USH2A: variants seen among roughly 807,000 people sequenced by gnomAD.
USH2A encodes the protein usherin, also known as Usher syndrome 2A (autosomal recessive, mild).
Under a neutral mutation model 538.9 loss-of-function variants are expected in USH2A, and 443 were observed. That is an observed-to-expected ratio of 0.82 (90% CI 0.76 to 0.89). The LOEUF is 0.89. Among genes scored for constraint, USH2A ranks in the 40% least tolerant of loss-of-function variants. The pLI, the probability that USH2A is intolerant of heterozygous loss-of-function variation, is 0.00. For missense variants in USH2A, 6,633 were observed against 6,324.8 expected (o/e 1.05, Z -1.65); for synonymous variants, 2,413 against 2,273.5 (o/e 1.06, Z -1.75).
chr1:216,403,592 C>A (rs1477851584), intron 3 of USH2A, among the ~76,000 whole-genome samples: 2 of 152,030 alleles, frequency 1.3e-5, no homozygotes, highest in African/African-American at 2.4e-5. Flanking sequence ...TACAAGATCA[C>A]CCTAGAAAAT....
chr1:216,004,352 C>A (rs1443369339), intron 32 of USH2A, among the ~76,000 whole-genome samples: 1 of 152,098 alleles, frequency 6.6e-6, no homozygotes, highest in East Asian at 1.9e-4. Context: ...AAGGAGAAAT[C>A]AACCAAGGAG....
intron 4 of USH2A, among the ~76,000 whole-genome samples, chr1:216,342,965 G>T (rs569614303): frequency 6.6e-6 from 1 of 151,858 alleles, no homozygotes; most frequent in African/African-American, 2.4e-5. Flanking sequence ...AAACTTTCAC[G>T]TTATGCACAA....
intron 38 of USH2A, among the ~76,000 whole-genome samples, chr1:215,926,304 T>G (rs1315949019): frequency 1.3e-5 from 2 of 151,600 alleles, no homozygotes; most frequent in Admixed American, 1.3e-4. Context: ...TAGAAAGAGA[T>G]TTTGGTTGAA....
chr1:216,116,167 CAAATA>C (rs547498854), intron 21 of USH2A, among the ~76,000 whole-genome samples: 2 of 151,830 alleles, frequency 1.3e-5, no homozygotes, highest in African/African-American at 4.8e-5. Context: ...TTTTATACCT[CAAATA>C]AGATCCAGGT....
chr1:216,097,102 T>C lies in USH2A; in HGVS notation c.4739A>G (p.Tyr1580Cys). 1.2e-6 allele frequency: 2 copies of C among 1,613,978 alleles called. No individual in the cohort carries two copies. Among genetic ancestry groups the C allele is most frequent in the Non-Finnish European group, 8.5e-7 (1 of 1,179,968 alleles). Residue 1580 changes from tyrosine (Y) to cysteine (C), a missense_variant, in exon 22 of 72, where the codon TAT becomes TGT. Transcript: ENST00000307340. Reference sequence around the variant, plus strand: ...ATTTACCTGAGGATCAAAAAGAAAATAAAGACGTCCCTTCTTCAACTGAAG... The same window carrying C: ...ATTTACCTGAGGATCAAAAAGAAAACAAAGACGTCCCTTCTTCAACTGAAG... ...FALQLKKGRL[Y>C]FLFDPQGSPV...
chr1:215,926,561 CT>C (rs1347385261), intron 38 of USH2A, among the ~76,000 whole-genome samples: 1 of 148,538 alleles, frequency 6.7e-6, no homozygotes, highest in Admixed American at 6.7e-5. Context: ...CATTCTGCCA[CT>C]TTGGAAGCGT....
At chr1:215,955,324 G>C (rs1203623039) in intron 37 of USH2A, among the ~76,000 whole-genome samples, 1 of 152,084 alleles carries the variant, frequency 6.6e-6, no homozygotes, top group African/African-American at 2.4e-5. Flanking sequence ...CCCAGAAACA[G>C]GCACCATCAT....
At chr1:215,964,764 T>C (rs528767145) in intron 37 of USH2A, among the ~76,000 whole-genome samples, 14 of 152,154 alleles carry the variant, frequency 9.2e-5, no homozygotes, top group East Asian at 1.9e-4. Context: ...ACCTAACTTA[T>C]TGAATCAGAT....
intron 38 of USH2A, among the ~76,000 whole-genome samples, chr1:215,919,082 G>A (rs1243554531): frequency 6.6e-6 from 1 of 151,992 alleles, no homozygotes; most frequent in African/African-American, 2.4e-5. Context: ...TTGTCCAGAA[G>A]AAGAAAGCAT....
intron 32 of USH2A, among the ~76,000 whole-genome samples, chr1:216,039,735 G>A (rs183306892): frequency 2.9e-4 from 44 of 151,900 alleles, no homozygotes; most frequent in Admixed American, 1.2e-3. Context: ...TATAACGCTC[G>A]GATAGAAGTG....
chr1:216,041,571 C>T (rs1396410021), intron 32 of USH2A, among the ~76,000 whole-genome samples: 1 of 152,034 alleles, frequency 6.6e-6, no homozygotes, highest in Non-Finnish European at 1.5e-5. Flanking sequence ...AAATTGTTGA[C>T]ACTTTGAATA....
chr1:215,855,760 G>A (rs944075066), intron 44 of USH2A, among the ~76,000 whole-genome samples: 1 of 152,012 alleles, frequency 6.6e-6, no homozygotes, highest in Admixed American at 6.6e-5. Context: ...AAATCTGGAG[G>A]TAACACATCA....
At chr1:215,759,887 A>T in intron 56 of USH2A, 44 bp from the exon 57 acceptor site, 2 of 1,611,784 alleles carry the variant, frequency 1.2e-6, no homozygotes, top group Non-Finnish European at 1.7e-6. Flanking sequence ...AGGAGAAAAT[A>T]AACAGTGTAT....
chr1:215,883,828 C>G (rs1664981950), intron 41 of USH2A, among the ~76,000 whole-genome samples: 1 of 152,046 alleles, frequency 6.6e-6, no homozygotes, highest in African/African-American at 2.4e-5. Flanking sequence ...CAGAAAGTAC[C>G]ACCTCATTAT....
intron 61 of USH2A, among the ~76,000 whole-genome samples, chr1:215,727,717 C>T (rs1659868860): frequency 6.9e-6 from 1 of 144,532 alleles, no homozygotes; most frequent in African/African-American, 2.7e-5. Flanking sequence ...AGAATGAGAG[C>T]CTGTCTCAAA....
At chr1:215,975,737 G>A (rs1301688493) in intron 35 of USH2A, among the ~76,000 whole-genome samples, 4 of 152,120 alleles carry the variant, frequency 2.6e-5, no homozygotes, top group Middle Eastern at 3.2e-3. Context: ...ATAGTTTGAA[G>A]TTGAGTAATG....
chr1:216,040,146 A>G (rs1156853899), intron 32 of USH2A, among the ~76,000 whole-genome samples: 1 of 151,874 alleles, frequency 6.6e-6, no homozygotes, highest in Non-Finnish European at 1.5e-5. Context: ...TTAGTGATAG[A>G]AATCCAGGTC....
intron 21 of USH2A, among the ~76,000 whole-genome samples, chr1:216,167,903 A>C (rs1177784372): frequency 6.6e-6 from 1 of 152,072 alleles, no homozygotes; most frequent in Non-Finnish European, 1.5e-5. Flanking sequence ...ATCTTCTAAA[A>C]CATTTCTTTA....
intron 13 of USH2A, among the ~76,000 whole-genome samples, chr1:216,245,511 GAGAGAGAC>G (rs2036022526): frequency 1.4e-5 from 2 of 144,702 alleles, no homozygotes; most frequent in East Asian, 4.3e-4. Context: ...GAGAGAGAGA[GAGAGAGAC>G]AAATGAATAT....
Sources: gnomAD v4.1 joint callset for allele counts (sites outside exome capture counted in the v4.1 genomes callset) on GRCh38, gnomAD v4.1.1 for gene constraint, MANE v1.5 for transcripts, NCBI Gene and HGNC (gene_info 2026-07-23, HGNC 2026-07-21) for gene names.